Variants in ST7 observed in about 807,000 individuals in gnomAD.
The protein encoded by ST7 is suppressor of tumorigenicity 7 protein.
ST7 carries 28 observed loss-of-function variants against 78.7 expected under a neutral mutation model. The ratio of observed to expected loss-of-function variants is 0.36; its 90% CI spans 0.26 to 0.49. ST7 has a LOEUF of 0.49. Among genes scored for constraint, ST7 ranks in the 20% least tolerant of loss-of-function variants. ST7 has a pLI of 0.99. For missense variants in ST7, 418 were observed against 696.0 expected, an observed-to-expected ratio of 0.60 and a Z score of 4.49; for synonymous variants, 247 against 249.6, an observed-to-expected ratio of 0.99 and a Z score of 0.10.
At chr7:117,141,547 T>C (rs1199341725) in intron 9 of ST7, among the ~76,000 whole-genome samples, 2 of 152,238 alleles carry the variant, frequency 1.3e-5, no homozygotes, top group Non-Finnish European at 2.9e-5. Context: ...AAAAACTCAT[T>C]TTAATTAGCT....
intron 1 of ST7, among the ~76,000 whole-genome samples, chr7:117,070,660 C>T (rs1042233768): frequency 2.0e-5 from 3 of 151,970 alleles, no homozygotes; most frequent in African/African-American, 7.2e-5. Context: ...CCTGCCTCAG[C>T]GTCCGGAGTA....
chr7:117,084,551 A>G (rs1225401718), intron 1 of ST7, among the ~76,000 whole-genome samples: 4 of 152,188 alleles, frequency 2.6e-5, no homozygotes, highest in Non-Finnish European at 5.9e-5. Context: ...TGGGTCTGCC[A>G]CTGTCTATCT....
chr7:117,169,687 T>A (rs1477952025), intron 9 of ST7, among the ~76,000 whole-genome samples: 1 of 152,152 alleles, frequency 6.6e-6, no homozygotes, highest in Non-Finnish European at 1.5e-5. Context: ...ATTTGACATC[T>A]TGCTACTGTA....
chr7:117,217,219 T>C (rs1370136065), intron 13 of ST7, among the ~76,000 whole-genome samples: 3 of 151,428 alleles, frequency 2.0e-5, no homozygotes, highest in Non-Finnish European at 4.4e-5. Flanking sequence ...ATTTATATCA[T>C]ATGAACTTGA....
At chr7:117,157,520 A>T (rs1019229378) in intron 9 of ST7, among the ~76,000 whole-genome samples, 3 of 152,180 alleles carry the variant, frequency 2.0e-5, no homozygotes, top group Admixed American at 1.3e-4. Context: ...CTTCTATAAT[A>T]GTTAACTTTC....
In ST7 at chr7:117,117,079, G is replaced by A. The variant is rs149392725; in HGVS notation, c.235-2482G>A. 2.5e-3 allele frequency among the ~76,000 whole-genome samples: 385 copies of A among 152,340 alleles called. 1 individual carries two copies. The highest frequency in any genetic ancestry group is 8.5e-3 in the African/African-American group (352 of 41,580). ...AGGGCCTTGGTAAGATAGTGACAGA[G>A]AGTAGGGGCTTTAGGCTAAGTGACT... On this transcript the variant is annotated intron_variant, in intron 2 of 15. Transcript: ENST00000323984.
chr7:117,017,116 T>C (rs903332579), intron 1 of ST7, among the ~76,000 whole-genome samples: 2 of 152,220 alleles, frequency 1.3e-5, no homozygotes, highest in Non-Finnish European at 2.9e-5. Context: ...CTTGTTGAAA[T>C]GTCACCTTTT....
At chr7:117,090,526 C>T (rs1800532719) in intron 1 of ST7, among the ~76,000 whole-genome samples, 1 of 152,092 alleles carries the variant, frequency 6.6e-6, no homozygotes, top group Non-Finnish European at 1.5e-5. Flanking sequence ...TTCCCAGAGC[C>T]TGGAGCACCT....
intron 12 of ST7, among the ~76,000 whole-genome samples, chr7:117,203,450 T>C (rs1811061847): frequency 6.6e-6 from 1 of 152,172 alleles, no homozygotes; most frequent in African/African-American, 2.4e-5. Flanking sequence ...GCCCCACCAG[T>C]TTAGAAACAC....
chr7:117,067,249 C>T (rs1798687824), intron 1 of ST7, among the ~76,000 whole-genome samples: 2 of 151,684 alleles, frequency 1.3e-5, no homozygotes, highest in South Asian at 2.1e-4. Context: ...TCCTTGTGAG[C>T]GTATACCTAG....
In ST7 at chr7:117,050,214, C is replaced by CAA. The variant is rs201920808; in HGVS notation, c.152-49535_152-49534dup. The stretch of plus-strand genomic sequence containing the variant: ...TGGGCGACAGAGTGAGACTCCGTCT[C>CAA]AAAAAAAAAAAAAAGAAAAAAAGAA... On this transcript the variant is annotated intron_variant, in intron 1 of 15. Transcript: ENST00000323984. Among the ~76,000 whole-genome samples the CAA allele has an allele frequency of 4.8e-4, 54 of 111,902 alleles. No homozygotes were observed. The East Asian group carries it at 8.1e-3, about 17-fold the overall frequency. The allele number at this position is 111,902 out of a possible 152,430, so 73.4% of individuals were successfully genotyped here. A position where few individuals can be genotyped will look rare whatever the true frequency, so the allele number is the denominator to read the frequency against.
chr7:117,034,768 C>T (rs1008468268), intron 1 of ST7, among the ~76,000 whole-genome samples: 1 of 152,074 alleles, frequency 6.6e-6, no homozygotes, highest in African/African-American at 2.4e-5. Context: ...CATTATTTGA[C>T]CTCCATTTAG....
chr7:117,221,667 A>G (rs1226851671), intron 14 of ST7, among the ~76,000 whole-genome samples: 1 of 152,164 alleles, frequency 6.6e-6, no homozygotes, highest in Admixed American at 6.5e-5. Context: ...CCTCCCATGA[A>G]GGCGTGACAC....
chr7:117,016,603 G>A (rs893346937), intron 1 of ST7, among the ~76,000 whole-genome samples: 3 of 152,166 alleles, frequency 2.0e-5, no homozygotes, highest in African/African-American at 4.8e-5. Context: ...AAGAACTTTA[G>A]TGTGAACAAA....
At chr7:117,042,514 G>A (rs1797278965) in intron 1 of ST7, among the ~76,000 whole-genome samples, 1 of 152,164 alleles carries the variant, frequency 6.6e-6, no homozygotes, top group African/African-American at 2.4e-5. Flanking sequence ...GAAGTGGGAA[G>A]TATAAGATAT....
chr7:116,953,540 C>T lies in ST7; in HGVS notation c.-1C>T. The stretch of plus-strand genomic sequence containing the variant: ...GCGGCAGCAGAGAGGAGCGCTGAAA[C>T]ATGGCTGAAGCGGCCACGGGCTTTC... On this transcript the variant is annotated 5_prime_UTR_variant, in exon 1 of 16. Transcript: ENST00000323984. 1 of 1,385,674 alleles carries T rather than the reference C, an allele frequency of 7.2e-7. No homozygotes were observed. The highest frequency in any genetic ancestry group is 1.5e-5 in the African/African-American group (1 of 67,152). The allele number at this position is 1,385,674 out of a possible 1,614,324, so 85.8% of individuals were successfully genotyped here.
chr7:117,020,544 T>C (rs1795841265), intron 1 of ST7: 3 of 1,542,660 alleles, frequency 1.9e-6, no homozygotes, highest in Admixed American at 2.0e-5. Context: ...CTCCTCGCTT[T>C]TCTTTCTTTT....
chr7:117,131,733 A>C (rs1214967589), intron 5 of ST7, 152 bp from the exon 6 acceptor site: 45 of 678,442 alleles, frequency 6.6e-5, no homozygotes, highest in Non-Finnish European at 5.1e-6. Context: ...TTAATACACT[A>C]ATATGACTTT....
At chr7:117,223,012 C>G (rs778121721) in intron 15 of ST7, 4 of 1,471,946 alleles carry the variant, frequency 2.7e-6, no homozygotes, top group Non-Finnish European at 3.8e-6. Flanking sequence ...ACCACCAAAA[C>G]TGCTCCTCCT....
Sources: allele counts gnomAD v4.1 joint callset (sites outside exome capture counted in the v4.1 genomes callset), GRCh38; gene constraint gnomAD v4.1.1; transcripts MANE v1.5; gene names NCBI Gene and HGNC (gene_info 2026-07-23, HGNC 2026-07-21).